The following TRIO variants were observed in gnomAD, a reference collection of about 807,000 sequenced individuals.
TRIO encodes triple functional domain protein.
Under a neutral mutation model 351.9 loss-of-function variants are expected in TRIO, and 58 were observed. That is an observed-to-expected ratio of 0.16 (90% CI 0.13 to 0.21). TRIO has a LOEUF of 0.21. Among genes scored for constraint, TRIO ranks in the 10% least tolerant of loss-of-function variants. The pLI, the probability that TRIO is intolerant of heterozygous loss-of-function variation, is 1.00. For synonymous variants in TRIO, 1,758 were observed against 1,595.7 expected, an observed-to-expected ratio of 1.10 and a Z score of -2.42; for missense variants, 3,201 against 4,027.8, an observed-to-expected ratio of 0.79 and a Z score of 5.56.
At chr5:14,298,062 C>A (rs951759223) in intron 7 of TRIO, among the ~76,000 whole-genome samples, 2 of 152,158 alleles carry the variant, frequency 1.3e-5, no homozygotes, top group Non-Finnish European at 2.9e-5. Context: ...GAGGTGCTGC[C>A]CGCAAGGGTG....
chr5:14,390,549 A>T, intron 26 of TRIO: 1 of 550,814 alleles, frequency 1.8e-6, no homozygotes, highest in Non-Finnish European at 3.2e-6. Context: ...GACCCTGGGG[A>T]TTTGCTGATA....
intron 1 of TRIO, among the ~76,000 whole-genome samples, chr5:14,250,652 G>A (rs987681056): frequency 6.6e-6 from 1 of 152,158 alleles, no homozygotes; most frequent in African/African-American, 2.4e-5. Flanking sequence ...CTGTACACTC[G>A]AGAGGGATGG....
chr5:14,457,373 TCC>T (rs61513660), intron 34 of TRIO, among the ~76,000 whole-genome samples: 7,760 of 47,782 alleles, frequency 0.16, 191 homozygotes, highest in South Asian at 0.27. Context: ...AGCCCTGACC[TCC>T]CCCCCCCCCC....
At chr5:14,201,945 A>T (rs1188593740) in intron 1 of TRIO, among the ~76,000 whole-genome samples, 1 of 127,588 alleles carries the variant, frequency 7.8e-6, no homozygotes, top group Non-Finnish European at 1.6e-5. Flanking sequence ...AGAAAGGGGA[A>T]CATCACACAC....
chr5:14,314,099 G>C (rs1467777907), intron 8 of TRIO, among the ~76,000 whole-genome samples: 1 of 152,182 alleles, frequency 6.6e-6, no homozygotes, highest in Non-Finnish European at 1.5e-5. Flanking sequence ...TCTTTTTAGG[G>C]TTAACACCAT....
intron 23 of TRIO, among the ~76,000 whole-genome samples, chr5:14,388,375 A>T (rs1003075470): frequency 6.6e-6 from 1 of 152,214 alleles, no homozygotes; most frequent in Admixed American, 6.5e-5. Flanking sequence ...CCAGATGTCC[A>T]CAGTGCCAGG....
At chr5:14,157,573 C>CTCTCTCCCTGTCTCTCTCTT (rs1788191387) in intron 1 of TRIO, among the ~76,000 whole-genome samples, 1 of 151,860 alleles carries the variant, frequency 6.6e-6, no homozygotes, top group Non-Finnish European at 1.5e-5. Flanking sequence ...GTCTCTCTCT[C>CTCTCTCCCTGTCTCTCTCTT]TCTCTCCCTG....
Position 14,508,389 on chromosome 5 carries a change from C to G in TRIO, c.9261C>G (p.Asn3087Lys). Reference protein sequence around the residue: ...NDVRPIRSIKNFLQSRLLPRV With the variant: ...NDVRPIRSIKKFLQSRLLPRV The stretch of plus-strand genomic sequence containing the variant: ...TTCGACCTATCCGTAGCATTAAAAA[C>G]TTTCTGCAGAGCAGGCTTCTGCCTA... Residue 3087 changes from asparagine (N) to lysine (K), a missense_variant, in exon 57 of 57, where the codon AAC becomes AAG. Asn to Lys is a moderately conservative substitution (Grantham distance 94). Transcript: ENST00000344204. 1 of 1,612,516 alleles carries G rather than the reference C, an allele frequency of 6.2e-7. No individual in the cohort carries two copies. The highest frequency in any genetic ancestry group is 8.5e-7 in the Non-Finnish European group (1 of 1,178,902).
In TRIO at chr5:14,390,964, T is replaced by C. The variant is rs919755442; in HGVS notation, c.4192T>C (p.Leu1398=). The change falls in exon 27 of 57, where the codon TTG becomes CTG. Residue 1398 remains leucine, a synonymous_variant. Transcript: ENST00000344204. ...KNKPDSTQLI[L]EHAGSYFDEI... Reference sequence around the variant, plus strand: ...TAAGCCTGATTCTACTCAGCTGATATTGGAACATGCAGGGTCCTATTTTGA... The same window carrying C: ...TAAGCCTGATTCTACTCAGCTGATACTGGAACATGCAGGGTCCTATTTTGA... The C allele has an allele frequency of 1.2e-5, 19 of 1,611,338 alleles. No homozygotes were observed. Among genetic ancestry groups the C allele is most frequent in the Admixed American group, 3.4e-5 (2 of 59,416 alleles).
chr5:14,190,958 A>G (rs76717889), intron 1 of TRIO, among the ~76,000 whole-genome samples: 6,528 of 152,066 alleles, frequency 0.043, 478 homozygotes, highest in African/African-American at 0.15. Context: ...AGGTAATGAC[A>G]CTCTCCCCTG....
intron 9 of TRIO, among the ~76,000 whole-genome samples, chr5:14,328,092 T>G (rs942560360): frequency 1.3e-5 from 2 of 152,234 alleles, no homozygotes; most frequent in African/African-American, 4.8e-5. Context: ...CTCAATACAC[T>G]AATGTGCTCA....
intron 34 of TRIO, among the ~76,000 whole-genome samples, chr5:14,445,335 C>T (rs1383184014): frequency 6.6e-6 from 1 of 152,142 alleles, no homozygotes; most frequent in East Asian, 1.9e-4. Flanking sequence ...ATACCCCCCG[C>T]CAAATATCTA....
intron 14 of TRIO, 152 bp downstream of exon 14, chr5:14,364,079 A>C: frequency 1.4e-6 from 1 of 694,018 alleles, no homozygotes; most frequent in East Asian, 2.8e-5. Context: ...TTGCATTTTT[A>C]TGTAATACAG....
chr5:14,364,094 A>G (rs1397929701), intron 14 of TRIO, among the ~76,000 whole-genome samples, 167 bp downstream of exon 14: 1 of 152,232 alleles, frequency 6.6e-6, no homozygotes, highest in Non-Finnish European at 1.5e-5. Context: ...ATACAGTCAC[A>G]TTTAACATGG....
intron 29 of TRIO, among the ~76,000 whole-genome samples, 199 bp from the exon 30 acceptor site, chr5:14,398,681 T>C (rs1157676441): frequency 1.3e-5 from 2 of 152,098 alleles, no homozygotes; most frequent in Non-Finnish European, 2.9e-5. Context: ...AAGGAAAATA[T>C]ATGTAAAGTG....
At chr5:14,241,045 T>G (rs1352210036) in intron 1 of TRIO, among the ~76,000 whole-genome samples, 1 of 152,238 alleles carries the variant, frequency 6.6e-6, no homozygotes, top group Non-Finnish European at 1.5e-5. Flanking sequence ...GTCAATACGT[T>G]GAAAGAAACA....
At chr5:14,248,835 T>C (rs1022999887) in intron 1 of TRIO, among the ~76,000 whole-genome samples, 5 of 152,194 alleles carry the variant, frequency 3.3e-5, no homozygotes, top group African/African-American at 1.2e-4. Context: ...ATCCCCATAT[T>C]ATGGGCAATG....
chr5:14,401,048 A>G lies in TRIO; in HGVS notation c.4700A>G (p.Asn1567Ser). 1.2e-6 allele frequency: 2 copies of G among 1,614,088 alleles called. No homozygotes were observed. Among genetic ancestry groups the G allele is most frequent in the Non-Finnish European group, 1.7e-6 (2 of 1,179,994 alleles). ...LWVGRTPTSDNKIVLKASSIE... is the reference protein window; with the variant it reads ...LWVGRTPTSDSKIVLKASSIE... Reference sequence around the variant, plus strand: ...GTGGGGAGAACACCAACTTCAGATAATAAAATTGTCCTTAAGGTACGTTCA... The same window carrying G: ...GTGGGGAGAACACCAACTTCAGATAGTAAAATTGTCCTTAAGGTACGTTCA... The change falls in exon 31 of 57, where the codon AAT (asparagine) becomes AGT (serine). Residue 1567 changes from asparagine (N) to serine (S), a missense_variant. Asn to Ser is a conservative substitution (Grantham distance 46). Coordinates refer to ENST00000344204, the MANE Select transcript of TRIO (RefSeq NM_007118.4).
intron 33 of TRIO, among the ~76,000 whole-genome samples, chr5:14,410,143 C>T (rs545579030): frequency 1.3e-5 from 2 of 152,274 alleles, no homozygotes; most frequent in Non-Finnish European, 2.9e-5. Flanking sequence ...TGTCTTACTC[C>T]GTTCTGGAGA....
Sources: gnomAD v4.1 joint callset for allele counts (sites outside exome capture counted in the v4.1 genomes callset) on GRCh38, gnomAD v4.1.1 for gene constraint, MANE v1.5 for transcripts, NCBI Gene and HGNC (gene_info 2026-07-23, HGNC 2026-07-21) for gene names.